MED13L: variants seen among roughly 807,000 people sequenced by gnomAD.
The protein encoded by MED13L is mediator complex subunit 13L.
In MED13L, 7 loss-of-function variants were observed where a neutral mutation model predicts 220.9. The ratio of observed to expected loss-of-function variants is 0.03; its 90% confidence interval spans 0.02 to 0.06. The LOEUF (loss-of-function observed/expected upper bound fraction) is 0.06. Among genes scored for constraint, MED13L ranks in the 10% least tolerant of loss-of-function variants. MED13L has a pLI of 1.00. For missense variants in MED13L, 1,965 were observed against 2,760.5 expected, an observed-to-expected ratio of 0.71 and a Z score of 6.46; for synonymous variants, 1,011 against 1,015.2, an observed-to-expected ratio of 1.00 and a Z score of 0.08.
At chr12:116,272,208 A>T (rs1306871599) in intron 1 of MED13L, among the ~76,000 whole-genome samples, 1 of 152,206 alleles carries the variant, frequency 6.6e-6, no homozygotes, top group Non-Finnish European at 1.5e-5. Flanking sequence ...TAGTTATCAC[A>T]ATTTATAGCA....
intron 4 of MED13L, among the ~76,000 whole-genome samples, chr12:116,024,733 ATGGT>A (rs1438586781): frequency 2.7e-4 from 31 of 114,832 alleles, no homozygotes; most frequent in Middle Eastern, 8.9e-3. Context: ...GATTTCTCCT[ATGGT>A]TTCTTCTAGT....
intron 2 of MED13L, among the ~76,000 whole-genome samples, chr12:116,190,344 G>T (rs1848683141): frequency 6.6e-6 from 1 of 152,130 alleles, no homozygotes; most frequent in South Asian, 2.1e-4. Context: ...GGATTATTAT[G>T]TTTGATGTTT....
intron 1 of MED13L, among the ~76,000 whole-genome samples, chr12:116,244,362 T>TG (rs1201634265): frequency 2.6e-5 from 4 of 152,198 alleles, no homozygotes; most frequent in Non-Finnish European, 4.4e-5. Context: ...CCTAAACCCC[T>TG]GTAAGACATC....
chr12:116,231,618 T>C (rs193205079), intron 2 of MED13L, among the ~76,000 whole-genome samples: 6 of 152,264 alleles, frequency 3.9e-5, no homozygotes, highest in Admixed American at 1.3e-4. Context: ...GCTAAGACAA[T>C]TGGGAAATTT....
intron 4 of MED13L, among the ~76,000 whole-genome samples, chr12:116,038,821 T>C (rs1216538359): frequency 6.6e-6 from 1 of 151,304 alleles, no homozygotes; most frequent in Admixed American, 6.6e-5. Context: ...CAGCCTTTCT[T>C]ATAGAACGTT....
At chr12:116,258,315 C>A (rs1872221694) in intron 1 of MED13L, among the ~76,000 whole-genome samples, 1 of 152,148 alleles carries the variant, frequency 6.6e-6, no homozygotes, top group Non-Finnish European at 1.5e-5. Context: ...GACTCTACCT[C>A]AAAAGGATCT....
chr12:115,985,711 T>A (rs1877644111), intron 19 of MED13L, among the ~76,000 whole-genome samples: 1 of 152,152 alleles, frequency 6.6e-6, no homozygotes, highest in Non-Finnish European at 1.5e-5. Context: ...ATCTGCCTGG[T>A]TTTTACATTA....
chr12:116,168,015 T>TA (rs1879406117), intron 2 of MED13L, among the ~76,000 whole-genome samples: 1 of 152,220 alleles, frequency 6.6e-6, no homozygotes, highest in South Asian at 2.1e-4. Context: ...TAACACTTTA[T>TA]AGTGATTCGC....
At chr12:115,971,997 T>C in intron 26 of MED13L, 81 bp downstream of exon 26, 1 of 1,459,974 alleles carries the variant, frequency 6.8e-7, no homozygotes, top group Non-Finnish European at 9.5e-7. Context: ...AAGACAATTC[T>C]ACCCTTGTCT....
At chr12:116,217,001 A>C (rs1041282907) in intron 2 of MED13L, among the ~76,000 whole-genome samples, 1 of 152,204 alleles carries the variant, frequency 6.6e-6, no homozygotes, top group Non-Finnish European at 1.5e-5. Flanking sequence ...TAATACTTTG[A>C]CTTTTTTTAT....
At chr12:116,274,563 T>G (rs1385379384) in intron 1 of MED13L, among the ~76,000 whole-genome samples, 1 of 151,898 alleles carries the variant, frequency 6.6e-6, no homozygotes, top group African/African-American at 2.4e-5. Flanking sequence ...CAATGTACTT[T>G]GGGCAACATA....
intron 1 of MED13L, among the ~76,000 whole-genome samples, chr12:116,264,054 T>C (rs974787366): frequency 2.0e-5 from 3 of 152,128 alleles, no homozygotes; most frequent in Admixed American, 6.5e-5. Context: ...CTTTCACTCA[T>C]CAGCAGCAAG....
intron 2 of MED13L, among the ~76,000 whole-genome samples, chr12:116,230,925 G>A (rs1869496536): frequency 1.3e-5 from 2 of 152,080 alleles, no homozygotes; most frequent in Admixed American, 6.6e-5. Flanking sequence ...CTATGATTTT[G>A]GAAAATTCAA....
At chr12:116,165,257 TC>T (rs1273407358) in intron 2 of MED13L, among the ~76,000 whole-genome samples, 3 of 122,176 alleles carry the variant, frequency 2.5e-5, no homozygotes, top group African/African-American at 6.6e-5. Context: ...GTAGGCACCA[TC>T]CTTTTTTTTT....
At chr12:116,276,727 G>A in intron 1 of MED13L, 2 of 775,322 alleles carry the variant, frequency 2.6e-6, no homozygotes, top group Non-Finnish European at 1.8e-6. Flanking sequence ...AAAAAAAGGG[G>A]GGAAAGGGGA....
chr12:116,199,292 C>T (rs773797165), intron 2 of MED13L, among the ~76,000 whole-genome samples: 6 of 152,136 alleles, frequency 3.9e-5, no homozygotes, highest in Non-Finnish European at 8.8e-5. Context: ...GTAAAGCAAG[C>T]TTTGATTTTA....
At chr12:116,032,055 T>C (rs1880885134) in intron 4 of MED13L, among the ~76,000 whole-genome samples, 1 of 151,876 alleles carries the variant, frequency 6.6e-6, no homozygotes, top group Non-Finnish European at 1.5e-5. Context: ...ACCCAGAAAA[T>C]AAACCAATAA....
In MED13L at chr12:115,983,140, C is replaced by T; in HGVS notation, c.4932G>A (p.Gln1644=). ...ACCTCTCTTGTCCATCCTGTGAGGG[C>T]TGAGAAGAGCTCTGCCCAGGGTCAG... is the stretch of plus-strand genomic sequence containing the variant. The part of the protein sequence containing the change: ...GDTDPGQSSS[Q]PSQDGQESVT... Residue 1644 remains glutamine, a synonymous_variant, in exon 21 of 31, where the codon CAG becomes CAA. Coordinates refer to ENST00000281928, the MANE Select transcript of MED13L (RefSeq NM_015335.5). 1.9e-6 allele frequency: 3 copies of T among 1,614,036 alleles called. No homozygotes were observed. The South Asian group carries it at 3.3e-5, about 18-fold the overall frequency.
At chr12:116,271,580 C>A (rs953581296) in intron 1 of MED13L, among the ~76,000 whole-genome samples, 1 of 150,338 alleles carries the variant, frequency 6.7e-6, no homozygotes, top group African/African-American at 2.5e-5. Flanking sequence ...GAGCCGCGAT[C>A]GCGCCACTGC....
Sources: gnomAD v4.1 joint callset for allele counts (sites outside exome capture counted in the v4.1 genomes callset) on GRCh38, gnomAD v4.1.1 for gene constraint, MANE v1.5 for transcripts, NCBI Gene and HGNC (gene_info 2026-07-23, HGNC 2026-07-21) for gene names.